Variants in PLCG2 observed in about 807,000 individuals in gnomAD.
PLCG2 encodes phospholipase C gamma 2.
A neutral mutation model predicts 175.6 loss-of-function variants in PLCG2; 69 were observed. The observed-to-expected ratio is 0.39, with a 90% CI of 0.32 to 0.48. The LOEUF (loss-of-function observed/expected upper bound fraction) is 0.48. Ranked by LOEUF, PLCG2 falls within the 20% of genes least tolerant of loss-of-function variation. The probability of loss-of-function intolerance (pLI) is 0.91; values close to 1 mark genes in which losing one functional copy is unlikely to be tolerated. For missense variants in PLCG2, 1,798 were observed against 1,650.9 expected (o/e 1.09, Z -1.54); for synonymous variants, 827 against 624.0 (o/e 1.33, Z -4.85).
At chr16:81,866,762 G>T (rs753095701) in intron 5 of PLCG2, among the ~76,000 whole-genome samples, 1 of 147,140 alleles carries the variant, frequency 6.8e-6, no homozygotes, top group Non-Finnish European at 1.5e-5. Context: ...TCCCAGGATG[G>T]GCTCCACTGG....
intron 2 of PLCG2, among the ~76,000 whole-genome samples, chr16:81,804,312 C>G (rs567602682): frequency 6.6e-6 from 1 of 152,316 alleles, no homozygotes; most frequent in East Asian, 1.9e-4. Flanking sequence ...ATTGCTCTAT[C>G]TTAAATAGTT....
intron 2 of PLCG2, among the ~76,000 whole-genome samples, chr16:81,757,924 G>A (rs1016654728): frequency 6.6e-6 from 1 of 151,940 alleles, no homozygotes; most frequent in African/African-American, 2.4e-5. Context: ...GTGGCCTTTT[G>A]TGTCAGGCTT....
chr16:81,855,983 C>T (rs1906662884), intron 3 of PLCG2, among the ~76,000 whole-genome samples: 1 of 152,184 alleles, frequency 6.6e-6, no homozygotes, highest in Non-Finnish European at 1.5e-5. Context: ...AGCCCTGACC[C>T]CCTGTTCTTA....
intron 19 of PLCG2, among the ~76,000 whole-genome samples, chr16:81,914,230 G>C (rs1400983670): frequency 6.6e-6 from 1 of 152,348 alleles, no homozygotes; most frequent in African/African-American, 2.4e-5. Flanking sequence ...GTGCCCAAGC[G>C]GTGAGACAGC....
In PLCG2 at chr16:81,936,161, G is replaced by C; in HGVS notation, c.2843-8G>C. 6.2e-7 allele frequency: 1 copy of C among 1,613,584 alleles called. No homozygotes were observed. Among genetic ancestry groups the C allele is most frequent in the Non-Finnish European group, 8.5e-7 (1 of 1,179,956 alleles). On this transcript the variant is annotated splice_polypyrimidine_tract_variant and splice_region_variant and intron_variant, in intron 26 of 32. Transcript: ENST00000564138. The stretch of plus-strand genomic sequence containing the variant: ...AGAAGTACTGATGACCTTTTTCTCT[G>C]TGTGCAGAAAATCCTGACTTCCGAG...
chr16:81,923,492 G>A lies in PLCG2; in HGVS notation c.2315G>A (p.Arg772Lys). The A allele has an allele frequency of 6.2e-7, 1 of 1,609,540 alleles. No homozygotes were observed. Among genetic ancestry groups the A allele is most frequent in the South Asian group, 1.1e-5 (1 of 90,952 alleles). Residue 772 changes from arginine to lysine, a missense_variant, in exon 22 of 33, where the codon AGA (arginine) becomes AAA (lysine). Physicochemically the swap from Arg to Lys is conservative, Grantham distance 26 (BLOSUM62 2). Transcript: ENST00000564138. The part of the protein sequence containing the change: ...PSEINPSMPQ[R>K]TVKALYDYKA... ...TCTTGTTTTCCCTGAAAGCCTCAGA[G>A]AACCGTGAAAGCTCTGTATGACTAC...
intron 30 of PLCG2, among the ~76,000 whole-genome samples, chr16:81,944,854 G>A (rs959141138): frequency 1.3e-5 from 2 of 152,134 alleles, no homozygotes; most frequent in Admixed American, 6.5e-5. Context: ...GTCCCCCATA[G>A]ATATCAAGGG....
intron 7 of PLCG2, among the ~76,000 whole-genome samples, chr16:81,878,415 A>G (rs1480625756): frequency 6.6e-6 from 1 of 152,182 alleles, no homozygotes; most frequent in Non-Finnish European, 1.5e-5. Flanking sequence ...GGTACTGGGT[A>G]TTAGGACTTG....
At position 81,945,097 on chromosome 16, in the gene PLCG2, G is replaced by T. The variant is rs116723431; in HGVS notation, c.3482-1078G>T. On this transcript the variant is annotated intron_variant, in intron 30 of 32. Transcript: ENST00000564138. Reference sequence around the variant, plus strand: ...GGTGTAAAAGGAGAAATTGGGGAGAGAAAAGGAACAGGTTTGTGTAAGAAT... The same window carrying T: ...GGTGTAAAAGGAGAAATTGGGGAGATAAAAGGAACAGGTTTGTGTAAGAAT... Among the ~76,000 whole-genome samples the T allele has an allele frequency of 6.1e-3, 932 of 152,308 alleles. 13 individuals carry two copies. The highest frequency in any genetic ancestry group is 0.022 in the African/African-American group (907 of 41,570).
intron 7 of PLCG2, among the ~76,000 whole-genome samples, chr16:81,877,772 T>C (rs1327674066): frequency 1.4e-5 from 2 of 145,832 alleles, no homozygotes; most frequent in Non-Finnish European, 3.1e-5. Context: ...GTAGATGTCA[T>C]TGCATCGCTC....
At chr16:81,844,239 C>T (rs1246553823) in intron 2 of PLCG2, among the ~76,000 whole-genome samples, 12 of 151,312 alleles carry the variant, frequency 7.9e-5, no homozygotes, top group East Asian at 1.9e-4. Flanking sequence ...GTGATCCACC[C>T]GCCTCGGCCT....
At chr16:81,875,567 C>A (rs60451152) in intron 7 of PLCG2, among the ~76,000 whole-genome samples, 368 of 152,250 alleles carry the variant, frequency 2.4e-3, no homozygotes, top group African/African-American at 8.7e-3. Flanking sequence ...CAGCCATTAT[C>A]ACCTTGTCAC....
chr16:81,957,931 G>A, intron 32 of PLCG2, 25 bp from the exon 33 acceptor site: 1 of 1,610,714 alleles, frequency 6.2e-7, no homozygotes, highest in Non-Finnish European at 8.5e-7. Flanking sequence ...GCCCACTGCT[G>A]ATGGTGAAAT....
chr16:81,962,640 A>C lies in PLCG2; in HGVS notation c.*4642A>C, dbSNP rs951249055. The stretch of plus-strand genomic sequence containing the variant: ...TTGGCTGTTGTTAATGTGAAAATTA[A>C]ACAGCTGTATCACATTTTGAAAAAT... On this transcript the variant is annotated 3_prime_UTR_variant, in exon 33 of 33. Transcript: ENST00000564138. 5.4e-5 allele frequency: 12 copies of C among 222,210 alleles called. No homozygotes were observed. Among genetic ancestry groups the C allele is most frequent in the African/African-American group, 2.5e-4 (11 of 44,764 alleles). The allele number at this position is 222,210 out of a possible 1,614,324, so 13.8% of individuals were successfully genotyped here.
chr16:81,766,553 CA>C (rs1910155200), intron 2 of PLCG2, among the ~76,000 whole-genome samples: 1 of 152,132 alleles, frequency 6.6e-6, no homozygotes, highest in Non-Finnish European at 1.5e-5. Flanking sequence ...GACCACCACA[CA>C]AAAACCCAGC....
chr16:81,776,344 C>T (rs1175792578), upstream of PLCG2, among the ~76,000 whole-genome samples: 3 of 151,726 alleles, frequency 2.0e-5, no homozygotes, highest in South Asian at 2.1e-4. Context: ...CTTCCAACCT[C>T]GTGATCCGCC....
intron 16 of PLCG2, 55 bp downstream of exon 16, chr16:81,907,829 A>G: frequency 1.5e-6 from 2 of 1,335,832 alleles, no homozygotes; most frequent in Non-Finnish European, 2.1e-6. Context: ...CCCGAGGACC[A>G]GCCAGTCCCC....
chr16:81,931,810 A>G (rs543355960), intron 25 of PLCG2, among the ~76,000 whole-genome samples, 156 bp downstream of exon 25: 199 of 152,132 alleles, frequency 1.3e-3, no homozygotes, highest in African/African-American at 4.5e-3. Context: ...CAATTGGAGC[A>G]CCTCTTGTTA....
intron 2 of PLCG2, among the ~76,000 whole-genome samples, chr16:81,758,992 T>G (rs993603884): frequency 2.0e-5 from 3 of 152,200 alleles, no homozygotes; most frequent in Non-Finnish European, 4.4e-5. Context: ...TCCATCTTTT[T>G]AAATTTAGCC....
Sources: allele counts gnomAD v4.1 joint callset (sites outside exome capture counted in the v4.1 genomes callset), GRCh38; gene constraint gnomAD v4.1.1; transcripts MANE v1.5; gene names NCBI Gene and HGNC (gene_info 2026-07-23, HGNC 2026-07-21).